IQCM: variants seen among roughly 807,000 people sequenced by gnomAD.
IQCM encodes IQ domain-containing protein M.
Under a neutral mutation model 57.6 loss-of-function variants are expected in IQCM, and 45 were observed. The observed-to-expected ratio is 0.78, with a 90% CI of 0.62 to 1.00. The LOEUF (loss-of-function observed/expected upper bound fraction) is 1.00. IQCM is among the 50% of genes least tolerant of loss of function. The pLI is 0.00. For synonymous variants in IQCM, 148 were observed against 158.9 expected, an observed-to-expected ratio of 0.93 and a Z score of 0.51; for missense variants, 468 against 511.6, an observed-to-expected ratio of 0.91 and a Z score of 0.82.
intron 2 of IQCM, among the ~76,000 whole-genome samples, chr4:149,754,877 C>T (rs1159101522): frequency 6.6e-6 from 1 of 152,194 alleles, no homozygotes; most frequent in Non-Finnish European, 1.5e-5. Context: ...GTCTATCTCA[C>T]ATCTTCATTC....
intron 2 of IQCM, among the ~76,000 whole-genome samples, chr4:149,779,995 A>G (rs535423310): frequency 6.6e-6 from 1 of 152,246 alleles, no homozygotes; most frequent in East Asian, 1.9e-4. Flanking sequence ...TGTCATATCA[A>G]TCCAAATGGA....
intron 12 of IQCM, among the ~76,000 whole-genome samples, chr4:149,527,705 A>C (rs1746299514): frequency 6.6e-6 from 1 of 152,246 alleles, no homozygotes. Flanking sequence ...CTTGCCCAAG[A>C]TTATACAGCT....
chr4:149,585,578 A>T (rs1270430970), intron 9 of IQCM, among the ~76,000 whole-genome samples: 1 of 151,738 alleles, frequency 6.6e-6, no homozygotes. Context: ...TCACTCTTTC[A>T]TATTTCTCTC....
At chr4:149,734,290 T>G (rs999457145) in intron 4 of IQCM, among the ~76,000 whole-genome samples, 3 of 152,208 alleles carry the variant, frequency 2.0e-5, no homozygotes, top group Admixed American at 2.0e-4. Context: ...AACATTGGAC[T>G]GTTATTATTA....
intron 2 of IQCM, among the ~76,000 whole-genome samples, chr4:149,771,004 A>G (rs1349868616): frequency 6.6e-6 from 1 of 152,080 alleles, no homozygotes; most frequent in Non-Finnish European, 1.5e-5. Flanking sequence ...TTATATGTCC[A>G]GTGCTCATTC....
chr4:149,744,215 G>C (rs913041899), intron 2 of IQCM, among the ~76,000 whole-genome samples: 2 of 152,168 alleles, frequency 1.3e-5, no homozygotes, highest in African/African-American at 2.4e-5. Flanking sequence ...TTCTCAAATT[G>C]TCAGCATCAT....
intron 13 of IQCM, among the ~76,000 whole-genome samples, chr4:149,430,361 G>A (rs1560828548): frequency 6.6e-6 from 1 of 151,694 alleles, no homozygotes; most frequent in African/African-American, 2.4e-5. Flanking sequence ...GATTTATTGA[G>A]GCATAAAATG....
intron 9 of IQCM, among the ~76,000 whole-genome samples, chr4:149,570,386 G>T (rs1737193169): frequency 6.6e-6 from 1 of 151,938 alleles, no homozygotes; most frequent in Non-Finnish European, 1.5e-5. Context: ...TGCCCACTAG[G>T]TCCTCCTAAA....
At chr4:149,774,955 A>G (rs1322045252) in intron 2 of IQCM, among the ~76,000 whole-genome samples, 3 of 147,442 alleles carry the variant, frequency 2.0e-5, no homozygotes, top group South Asian at 2.1e-4. Context: ...TTTCCACATT[A>G]TTGGACAGGT....
chr4:149,570,090 G>T (rs1579528070), intron 9 of IQCM, among the ~76,000 whole-genome samples: 1 of 151,792 alleles, frequency 6.6e-6, no homozygotes, highest in East Asian at 1.9e-4. Context: ...ATAAATCATT[G>T]TGAATAACTT....
intron 12 of IQCM, among the ~76,000 whole-genome samples, chr4:149,532,416 A>G (rs570519636): frequency 6.6e-6 from 1 of 152,180 alleles, no homozygotes; most frequent in South Asian, 2.1e-4. Context: ...AGAAAGTATT[A>G]CCTGGGAAAT....
chr4:149,363,728 T>C (rs1458720450), intron 13 of IQCM, among the ~76,000 whole-genome samples: 1 of 152,020 alleles, frequency 6.6e-6, no homozygotes, highest in East Asian at 1.9e-4. Flanking sequence ...TATTTCTGAG[T>C]TTTTAAATAA....
intron 13 of IQCM, among the ~76,000 whole-genome samples, chr4:149,430,904 T>A (rs1320133748): frequency 6.6e-6 from 1 of 151,944 alleles, no homozygotes; most frequent in Non-Finnish European, 1.5e-5. Context: ...GTATGTTTAA[T>A]TTTATAAAAA....
chr4:149,792,215 A>T (rs1485334212), intron 2 of IQCM, among the ~76,000 whole-genome samples: 2 of 152,198 alleles, frequency 1.3e-5, no homozygotes, highest in African/African-American at 4.8e-5. Flanking sequence ...GCCCATATTT[A>T]TATTCAACGA....
chr4:149,664,760 AG>A (rs1319843933), intron 7 of IQCM, among the ~76,000 whole-genome samples: 4 of 152,106 alleles, frequency 2.6e-5, no homozygotes, highest in Admixed American at 1.3e-4. Context: ...GAAAGGCAAC[AG>A]GTGGGGTTAC....
rs1553975401 is a variant in IQCM at position 149,481,705 on chromosome 4, T to TTTTTTTTTTTTGTTTGTTTG, written c.1229-48149_1229-48148insCAAACAAACAAAAAAAAAAA. On this transcript the variant is annotated intron_variant, in intron 12 of 13. Transcript: ENST00000636793. ...TAATGTGATTCTTCCAGTTTTGTTTTTTTTTTTTTTTTTTTTTGCTTTTTG... is the reference window on the plus strand; with the variant it reads ...TAATGTGATTCTTCCAGTTTTGTTTTTTTTTTTTTTTGTTTGTTTGTTTTTTTTTTTTTTTTTGCTTTTTG... Among the ~76,000 whole-genome samples the TTTTTTTTTTTTGTTTGTTTG allele has an allele frequency of 2.2e-3, 289 of 133,054 alleles. 1 individual carries two copies. Among genetic ancestry groups the TTTTTTTTTTTTGTTTGTTTG allele is most frequent in the African/African-American group, 7.5e-3 (265 of 35,208 alleles). The allele number at this position is 133,054 out of a possible 152,430, so 87.3% of individuals were successfully genotyped here.
At chr4:149,388,060 A>G (rs1045004525) in intron 13 of IQCM, among the ~76,000 whole-genome samples, 4 of 152,082 alleles carry the variant, frequency 2.6e-5, no homozygotes, top group African/African-American at 9.7e-5. Flanking sequence ...ATACAGAAAT[A>G]GCATATTGTG....
rs546473499 is a variant in IQCM, at chr4:149,730,518, T to C, written c.385+2726A>G. 4.6e-5 allele frequency among the ~76,000 whole-genome samples: 7 copies of C among 152,356 alleles called. No individual in the cohort carries two copies. The South Asian group carries it at 1.2e-3, about 27-fold the overall frequency. On this transcript the variant is annotated intron_variant, in intron 5 of 13. Transcript: ENST00000636793. ...ATCTGTAATCACTCCCCAATCCTCATGTTCTAGTCATGTAAAATCATTTTA... is the reference window on the plus strand; with the variant it reads ...ATCTGTAATCACTCCCCAATCCTCACGTTCTAGTCATGTAAAATCATTTTA...
intron 5 of IQCM, among the ~76,000 whole-genome samples, chr4:149,701,748 G>C (rs1763791242): frequency 1.3e-5 from 2 of 151,960 alleles, no homozygotes; most frequent in African/African-American, 4.8e-5. Flanking sequence ...AAAATGGTTA[G>C]AGTCAGATGG....
Sources: gnomAD v4.1 joint callset for allele counts (sites outside exome capture counted in the v4.1 genomes callset) on GRCh38, gnomAD v4.1.1 for gene constraint, MANE v1.5 for transcripts, NCBI Gene and HGNC (gene_info 2026-07-23, HGNC 2026-07-21) for gene names.